Variants in NFIX observed in about 807,000 individuals in gnomAD.
NFIX encodes the protein nuclear factor 1 X-type.
Under a neutral mutation model 53.3 loss-of-function variants are expected in NFIX, and 2 were observed. The ratio of observed to expected loss-of-function variants is 0.04; its 90% CI spans 0.02 to 0.12. The LOEUF (loss-of-function observed/expected upper bound fraction) is 0.12. NFIX is among the 10% of genes least tolerant of loss of function. NFIX has a pLI of 1.00. For missense variants in NFIX, 310 were observed against 674.5 expected, an observed-to-expected ratio of 0.46 and a Z score of 5.99; for synonymous variants, 244 against 289.0, an observed-to-expected ratio of 0.84 and a Z score of 1.58.
chr19:13,064,224 C>G (rs1046239595), intron 2 of NFIX, among the ~76,000 whole-genome samples: 8 of 152,230 alleles, frequency 5.3e-5, no homozygotes, highest in African/African-American at 1.7e-4. Flanking sequence ...TCACATGACT[C>G]TTGGCCCCAG....
At chr19:13,076,762 G>A (rs565625249) in intron 6 of NFIX, among the ~76,000 whole-genome samples, 9 of 152,178 alleles carry the variant, frequency 5.9e-5, no homozygotes, top group Non-Finnish European at 1.0e-4. Context: ...GGTGGAGCGA[G>A]GTGGGGCTGG....
Position 12,998,295 on chromosome 19 carries a change from CTG to C in NFIX, c.27+2433_27+2434del, listed in dbSNP as rs1343937424. Among the ~76,000 whole-genome samples the C allele has an allele frequency of 3.3e-5, 5 of 152,026 alleles. No homozygotes were observed. The highest frequency in any genetic ancestry group is 2.6e-4 in the Admixed American group (4 of 15,246). On this transcript the variant is annotated intron_variant, in intron 1 of 10. Coordinates refer to ENST00000592199, the MANE Select transcript of NFIX (RefSeq NM_001365902.3). This position sits in a 1 kb window ranked among gnomAD's most constrained non-coding sequence, Gnocchi z 4.4. ...CTGGCGTCTCGGACTCTCTCTCTCT[CTG>C]TCTCTCTGGCCTGCCTCTCTCTCTT...
At position 13,088,580 on chromosome 19, in the gene NFIX, G is replaced by T. The variant is rs1160186638; in HGVS notation, c.1402+444G>T. ...CCAAGAAAATCAAATGTAACCACAA[G>T]GCGACGCCACCACCATCCCCTTTTT... is the stretch of plus-strand genomic sequence containing the variant. On this transcript the variant is annotated intron_variant, in intron 9 of 10. Transcript: ENST00000592199. The surrounding 1 kb of genome is among the most constrained non-coding windows in gnomAD (Gnocchi z 5.9). Among the ~76,000 whole-genome samples, 1 of 151,162 alleles carries T rather than the reference G, an allele frequency of 6.6e-6. No homozygotes were observed. The highest frequency in any genetic ancestry group is 1.5e-5 in the Non-Finnish European group (1 of 67,878).
At chr19:13,048,483 A>T (rs563919214) in intron 2 of NFIX, among the ~76,000 whole-genome samples, 3 of 146,364 alleles carry the variant, frequency 2.0e-5, no homozygotes, top group South Asian at 4.3e-4. Context: ...TCTCTGTTGT[A>T]TTTTTTTTTT....
intron 1 of NFIX, among the ~76,000 whole-genome samples, chr19:13,016,410 C>T (rs1410929378): frequency 6.6e-6 from 1 of 151,988 alleles, no homozygotes; most frequent in Non-Finnish European, 1.5e-5. Flanking sequence ...AGGATTTTAA[C>T]ATCTCAGGGC....
At position 13,002,958 on chromosome 19, in the gene NFIX, A is replaced by G. The variant is rs1426016651; in HGVS notation, c.27+7094A>G. The stretch of plus-strand genomic sequence containing the variant: ...GTCCCCACCTGAATCTGTGTGAGCC[A>G]AGCTGGAGGAAAGGACAGCATGGAG... On this transcript the variant is annotated intron_variant, in intron 1 of 10. Coordinates refer to ENST00000592199, the MANE Select transcript of NFIX (RefSeq NM_001365902.3). This position sits in a 1 kb window ranked among gnomAD's most constrained non-coding sequence, Gnocchi z 6.1. 6.6e-6 allele frequency among the ~76,000 whole-genome samples: 1 copy of G among 152,154 alleles called. No homozygotes were observed. The highest frequency in any genetic ancestry group is 2.4e-5 in the African/African-American group (1 of 41,438).
chr19:13,021,713 C>T lies in NFIX; in HGVS notation c.28-3308C>T, dbSNP rs1336873335. 6.6e-6 allele frequency among the ~76,000 whole-genome samples: 1 copy of T among 152,124 alleles called. No homozygotes were observed. The highest frequency in any genetic ancestry group is 2.4e-5 in the African/African-American group (1 of 41,414). On this transcript the variant is annotated intron_variant, in intron 1 of 10. Coordinates refer to ENST00000592199, the MANE Select transcript of NFIX (RefSeq NM_001365902.3). The surrounding 1 kb of genome is among the most constrained non-coding windows in gnomAD (Gnocchi z 4.2). ...CTTACTGTGTTTCGAAGGCCTCAAG[C>T]ATGGCTGCTCCATAGCTCTAACTGG...
chr19:13,069,202 G>A (rs1462411968), intron 2 of NFIX, among the ~76,000 whole-genome samples: 1 of 152,192 alleles, frequency 6.6e-6, no homozygotes, highest in Non-Finnish European at 1.5e-5. Context: ...CACAGTCCCT[G>A]AAGAGACTGG....
In NFIX at chr19:13,026,724, T is replaced by TTC. The variant is rs34744744; in HGVS notation, c.559+1192_559+1193dup. Among the ~76,000 whole-genome samples the TTC allele has an allele frequency of 4.1e-3, 594 of 145,892 alleles. 1 individual carries two copies. The highest frequency in any genetic ancestry group is 9.6e-3 in the African/African-American group (377 of 39,120). ...TTGTAATGAGAGGGCTACCAAACCTTTCTCTCTCTCTCTCTCTCTCTGTGT... is the reference window on the plus strand; with the variant it reads ...TTGTAATGAGAGGGCTACCAAACCTTTCTCTCTCTCTCTCTCTCTCTCTGTGT... On this transcript the variant is annotated intron_variant, in intron 2 of 10. Coordinates refer to ENST00000592199, the MANE Select transcript of NFIX (RefSeq NM_001365902.3).
At chr19:13,000,094 C>T (rs1047378349) in intron 1 of NFIX, among the ~76,000 whole-genome samples, 9 of 152,212 alleles carry the variant, frequency 5.9e-5, no homozygotes, top group African/African-American at 1.7e-4. Flanking sequence ...AGCTCCCAGA[C>T]GGAGGCTGCG....
In NFIX at chr19:12,995,596, CGA is replaced by C. The variant is rs1440099132; in HGVS notation, c.-238_-237del. 7.0e-6 allele frequency: 1 copy of C among 143,766 alleles called. No individual in the cohort carries two copies. The highest frequency in any genetic ancestry group is 2.5e-5 in the African/African-American group (1 of 39,664). 8.9% of individuals were successfully genotyped at this position (143,766 alleles called of 1,614,324 possible). On this transcript the variant is annotated 5_prime_UTR_variant, in exon 1 of 11. Coordinates refer to ENST00000592199, the MANE Select transcript of NFIX (RefSeq NM_001365902.3). ...GCGGCAGCGGCGGCGGCGGCGGACGCGAGAGGCAGCGGCGAGCGCGGCGGCGG... is the reference window on the plus strand; with the variant it reads ...GCGGCAGCGGCGGCGGCGGCGGACGCGAGGCAGCGGCGAGCGCGGCGGCGG...
chr19:13,083,746 G>A (rs1454648774), intron 8 of NFIX, among the ~76,000 whole-genome samples: 1 of 152,178 alleles, frequency 6.6e-6, no homozygotes, highest in Non-Finnish European at 1.5e-5. Context: ...AGAGGGAGAG[G>A]GGGCTCAGCG....
rs1380995793 is a variant in NFIX at position 13,068,484 on chromosome 19, T to C, written c.560-4563T>C. On this transcript the variant is annotated intron_variant, in intron 2 of 10. Coordinates refer to ENST00000592199, the MANE Select transcript of NFIX (RefSeq NM_001365902.3). This position sits in a 1 kb window ranked among gnomAD's most constrained non-coding sequence, Gnocchi z 4.2. The stretch of plus-strand genomic sequence containing the variant: ...ATTTTGCAGGAGAACTTTGTGGCTG[T>C]TCCAGAGGTTACTGAGGGGCCCCCA... 2.0e-5 allele frequency among the ~76,000 whole-genome samples: 3 copies of C among 152,212 alleles called. No homozygotes were observed. Among genetic ancestry groups the C allele is most frequent in the Non-Finnish European group, 2.9e-5 (2 of 68,048 alleles).
At chr19:13,020,417 G>A (rs1414556029) in intron 1 of NFIX, among the ~76,000 whole-genome samples, 1 of 152,132 alleles carries the variant, frequency 6.6e-6, no homozygotes, top group African/African-American at 2.4e-5. Context: ...AGGGAGGGAG[G>A]AAAGAGAAAT....
chr19:13,058,948 TC>T (rs2015885181), intron 2 of NFIX, among the ~76,000 whole-genome samples: 1 of 151,784 alleles, frequency 6.6e-6, no homozygotes, highest in Non-Finnish European at 1.5e-5. Flanking sequence ...AAGATGTAGG[TC>T]CCCACTCTTC....
intron 2 of NFIX, among the ~76,000 whole-genome samples, chr19:13,044,257 G>A (rs1048274645): frequency 1.3e-5 from 2 of 152,344 alleles, no homozygotes; most frequent in East Asian, 3.9e-4. Context: ...TCCTTCAGCT[G>A]GGGCTGTGGC....
intron 8 of NFIX, among the ~76,000 whole-genome samples, chr19:13,085,955 G>T (rs1414098583): frequency 2.0e-5 from 3 of 152,206 alleles, no homozygotes; most frequent in African/African-American, 7.2e-5. Flanking sequence ...TGTTTTGAAG[G>T]TTCCAGTGAG....
At chr19:13,007,429 G>A (rs1432445927) in intron 1 of NFIX, among the ~76,000 whole-genome samples, 1 of 152,136 alleles carries the variant, frequency 6.6e-6, no homozygotes, top group Non-Finnish European at 1.5e-5. Context: ...CAAAAGTGAC[G>A]ACCCTCCCAT....
intron 6 of NFIX, among the ~76,000 whole-genome samples, chr19:13,076,855 C>A (rs2145448973): frequency 6.6e-6 from 1 of 152,234 alleles, no homozygotes; most frequent in South Asian, 2.1e-4. Context: ...GAAAGGAGGG[C>A]TCGCCTCCAG....
Sources: allele counts gnomAD v4.1 joint callset (sites outside exome capture counted in the v4.1 genomes callset), GRCh38; gene constraint gnomAD v4.1.1; non-coding constraint Gnocchi (gnomAD v3.1); transcripts MANE v1.5; gene names NCBI Gene and HGNC (gene_info 2026-07-23, HGNC 2026-07-21).